RPRD1A: variants seen among roughly 807,000 people sequenced by gnomAD.
RPRD1A encodes regulation of nuclear pre-mRNA domain containing 1A.
A neutral mutation model predicts 37.8 loss-of-function variants in RPRD1A; 9 were observed. The observed-to-expected ratio is 0.24, with a 90% CI of 0.14 to 0.42. The LOEUF (loss-of-function observed/expected upper bound fraction) is 0.42. Among genes scored for constraint, RPRD1A ranks in the 10% least tolerant of loss-of-function variants. RPRD1A has a pLI of 1.00. For missense variants in RPRD1A, 255 were observed against 371.0 expected (o/e 0.69, Z 2.57); for synonymous variants, 138 against 139.7 (o/e 0.99, Z 0.08).
In RPRD1A at chr18:35,991,346, C is replaced by G. The variant is rs971354364; in HGVS notation, c.*1805G>C. ...TAATTGTGCATCTGTCACCTCCCCA[C>G]TTGGCTGAATCTTTTTCTTCCATTT... On this transcript the variant is annotated 3_prime_UTR_variant, in exon 7 of 7. Transcript: ENST00000399022. 8.5e-5 allele frequency: 13 copies of G among 152,224 alleles called. No individual in the cohort carries two copies. The highest frequency in any genetic ancestry group is 2.9e-4 in the African/African-American group (12 of 41,450). 9.4% of individuals were successfully genotyped at this position (152,224 alleles called of 1,614,324 possible).
intron 6 of RPRD1A, among the ~76,000 whole-genome samples, chr18:36,023,941 T>C (rs1000473815): frequency 8.5e-5 from 13 of 152,256 alleles, no homozygotes; most frequent in African/African-American, 2.7e-4. Context: ...AACTTTTGTA[T>C]GTACTAGGAA....
intron 6 of RPRD1A, among the ~76,000 whole-genome samples, chr18:36,005,850 T>C (rs1340519812): frequency 6.6e-6 from 1 of 152,190 alleles, no homozygotes; most frequent in Non-Finnish European, 1.5e-5. Context: ...ACACCTGTGT[T>C]TTTTTCTTTT....
At chr18:36,008,145 A>G (rs1408181424) in intron 6 of RPRD1A, among the ~76,000 whole-genome samples, 1 of 152,108 alleles carries the variant, frequency 6.6e-6, no homozygotes, top group South Asian at 2.1e-4. Flanking sequence ...CTTAACTACT[A>G]AAGTTACTTA....
chr18:36,014,512 G>A lies in RPRD1A; in HGVS notation c.789+12388C>T, dbSNP rs200136591. Among the ~76,000 whole-genome samples the A allele has an allele frequency of 2.5e-4, 38 of 152,346 alleles. No individual in the cohort carries two copies. The East Asian group carries it at 5.6e-3, about 22-fold the overall frequency. On this transcript the variant is annotated intron_variant, in intron 6 of 6. Coordinates refer to ENST00000399022, the MANE Select transcript of RPRD1A (RefSeq NM_018170.5). ...CCAGCACTTTGGAAGGCCAAGGCAG[G>A]CGGATCACGAGGTCAGGAGATCGAG... is the stretch of plus-strand genomic sequence containing the variant.
chr18:36,030,322 T>TAA (rs113977208), intron 4 of RPRD1A, among the ~76,000 whole-genome samples: 63,461 of 150,280 alleles, frequency 0.42, 13,944 homozygotes, highest in African/African-American at 0.56. Context: ...CCATCTCTAT[T>TAA]AAACACAAAA....
chr18:36,065,454 GT>G (rs887464484), intron 1 of RPRD1A, among the ~76,000 whole-genome samples: 1 of 152,206 alleles, frequency 6.6e-6, no homozygotes, highest in African/African-American at 2.4e-5. Flanking sequence ...TAATGGAATG[GT>G]TTTTTTGTTT....
intron 6 of RPRD1A, among the ~76,000 whole-genome samples, chr18:36,001,093 C>T (rs1378364088): frequency 6.6e-6 from 1 of 152,146 alleles, no homozygotes; most frequent in Non-Finnish European, 1.5e-5. Context: ...CCATGAATAA[C>T]AGCATATAGG....
chr18:36,044,996 T>TGA (rs1361032202), intron 1 of RPRD1A, among the ~76,000 whole-genome samples: 3 of 152,012 alleles, frequency 2.0e-5, no homozygotes, highest in Admixed American at 2.0e-4. Flanking sequence ...TCACAGCACT[T>TGA]TGGGAGGCCA....
chr18:36,051,062 G>A (rs370505168), intron 1 of RPRD1A, among the ~76,000 whole-genome samples: 2 of 152,054 alleles, frequency 1.3e-5, no homozygotes, highest in African/African-American at 4.8e-5. Context: ...TGGTCTTGCT[G>A]TGTATGGAAG....
intron 4 of RPRD1A, 154 bp from the exon 5 acceptor site, chr18:36,027,464 T>C: frequency 1.3e-6 from 1 of 751,056 alleles, no homozygotes; most frequent in South Asian, 2.0e-5. Context: ...TTTCATATGT[T>C]AAGAAAAAAG....
rs1226862479 is a variant in RPRD1A, at chr18:35,990,172, AT to A, written c.*2978del. On this transcript the variant is annotated 3_prime_UTR_variant, in exon 7 of 7. Coordinates refer to ENST00000399022, the MANE Select transcript of RPRD1A (RefSeq NM_018170.5). ...GCTTTATGTTATTTCAGATAATGTA[AT>A]TTTTTTAATGAAAAATTCAGAAAGG... 1.3e-5 allele frequency: 2 copies of A among 152,308 alleles called. No homozygotes were observed. Among genetic ancestry groups the A allele is most frequent in the South Asian group, 2.1e-4 (1 of 4,828 alleles). 9.4% of individuals were successfully genotyped at this position (152,308 alleles called of 1,614,324 possible).
chr18:36,004,024 T>TG (rs1909586180), intron 6 of RPRD1A, among the ~76,000 whole-genome samples: 1 of 138,086 alleles, frequency 7.2e-6, no homozygotes, highest in East Asian at 2.0e-4. Context: ...TTTTTTTTTT[T>TG]GTAGAGACTG....
Position 36,027,292 on chromosome 18 carries a change from C to T in RPRD1A, c.505G>A (p.Ala169Thr), listed in dbSNP as rs1286054840. The T allele has an allele frequency of 6.2e-7, 1 of 1,613,846 alleles. No homozygotes were observed. Among genetic ancestry groups the T allele is most frequent in the East Asian group, 2.2e-5 (1 of 44,860 alleles). The change falls in exon 5 of 7, where the codon GCA (alanine) becomes ACA (threonine). Residue 169 changes from alanine to threonine, a missense_variant. By Grantham distance (58) the Ala-to-Thr change is moderately conservative (BLOSUM62 0). Transcript: ENST00000399022. ...EPPQTLDLVR[A>T]LQDLENAASG... ...GCTGCATTTTCCAGATCTTGTAATG[C>T]TCTAACGAGATCTAGAGTCTAAAAA...
Position 36,008,577 on chromosome 18 carries a change from G to GTGTGTATATGTGTATATATATA in RPRD1A, c.790-15278_790-15277insTATATATATACACATATACACA. Among the ~76,000 whole-genome samples the GTGTGTATATGTGTATATATATA allele has an allele frequency of 1.3e-4, 6 of 47,800 alleles. 1 individual carries two copies. In the Admixed American group the frequency reaches 1.7e-3, roughly 13 times the overall value. 31.4% of individuals were successfully genotyped at this position (47,800 alleles called of 152,430 possible). On this transcript the variant is annotated intron_variant, in intron 6 of 6. Coordinates refer to ENST00000399022, the MANE Select transcript of RPRD1A (RefSeq NM_018170.5). ...GGCGACACAGCAAGACCTTGTGTGT[G>GTGTGTATATGTGTATATATATA]TATATATATATATCTTTAAAAATCT...
chr18:36,020,641 G>C (rs1910935039), intron 6 of RPRD1A, among the ~76,000 whole-genome samples: 1 of 152,078 alleles, frequency 6.6e-6, no homozygotes, highest in Non-Finnish European at 1.5e-5. Flanking sequence ...AATAGTCTGA[G>C]CAACACAGCA....
intron 6 of RPRD1A, among the ~76,000 whole-genome samples, chr18:36,023,424 T>C (rs1045702923): frequency 2.6e-5 from 4 of 152,214 alleles, no homozygotes; most frequent in Admixed American, 2.6e-4. Flanking sequence ...TCCAATCTCA[T>C]AAAACTTGTT....
At chr18:35,994,355 A>G (rs901711460) in intron 6 of RPRD1A, among the ~76,000 whole-genome samples, 29 of 152,234 alleles carry the variant, frequency 1.9e-4, no homozygotes, top group African/African-American at 6.5e-4. Flanking sequence ...TCTCCAGGAA[A>G]GAAAGGACTA....
chr18:36,004,592 G>T (rs908383000), intron 6 of RPRD1A, among the ~76,000 whole-genome samples: 2 of 152,074 alleles, frequency 1.3e-5, no homozygotes, highest in African/African-American at 4.8e-5. Context: ...CATTTGTTAT[G>T]TAGGCCTAGT....
intron 1 of RPRD1A, among the ~76,000 whole-genome samples, chr18:36,036,625 C>G (rs1220046954): frequency 6.6e-6 from 1 of 152,098 alleles, no homozygotes; most frequent in Non-Finnish European, 1.5e-5. Context: ...ATGCCCTTCC[C>G]TAAATTTTCA....
Sources: gnomAD v4.1 joint callset for allele counts (sites outside exome capture counted in the v4.1 genomes callset) on GRCh38, gnomAD v4.1.1 for gene constraint, MANE v1.5 for transcripts, NCBI Gene and HGNC (gene_info 2026-07-23, HGNC 2026-07-21) for gene names.